The following GRIK4 variants were observed in gnomAD, a reference collection of about 807,000 sequenced individuals.
GRIK4 encodes the protein glutamate ionotropic receptor kainate type subunit 4.
A neutral mutation model predicts 104.9 loss-of-function variants in GRIK4; 40 were observed. The ratio of observed to expected loss-of-function variants is 0.38; its 90% CI spans 0.30 to 0.50. The LOEUF (loss-of-function observed/expected upper bound fraction) is 0.50, where lower values mean the gene tolerates loss of function less well. GRIK4 is among the 20% of genes least tolerant of loss of function. The probability of loss-of-function intolerance (pLI) is 0.93; values close to 1 mark genes in which losing one functional copy is unlikely to be tolerated. For synonymous variants in GRIK4, 485 were observed against 524.9 expected, an observed-to-expected ratio of 0.92 and a Z score of 1.04; for missense variants, 1,047 against 1,308.1, an observed-to-expected ratio of 0.80 and a Z score of 3.08.
intron 7 of GRIK4, 144 bp downstream of exon 7, chr11:120,832,174 A>G (rs1192196139): frequency 2.5e-5 from 14 of 563,358 alleles, no homozygotes; most frequent in Non-Finnish European, 1.8e-5. Flanking sequence ...TCTGTTTTCA[A>G]TGAGCGGTTC....
chr11:120,566,461 C>G (rs1273068379), intron 1 of GRIK4, among the ~76,000 whole-genome samples: 3 of 152,148 alleles, frequency 2.0e-5, no homozygotes, highest in Admixed American at 6.5e-5. Flanking sequence ...AATCTACGGA[C>G]GAAGTTGGGC....
At chr11:120,761,083 A>G (rs138990232) in intron 3 of GRIK4, among the ~76,000 whole-genome samples, 5,462 of 152,194 alleles carry the variant, frequency 0.036, 146 homozygotes, top group Middle Eastern at 0.061. Flanking sequence ...AAACGTTCCT[A>G]TTTCTCCACA....
intron 3 of GRIK4, among the ~76,000 whole-genome samples, chr11:120,762,992 T>C (rs1485635525): frequency 2.0e-5 from 3 of 152,168 alleles, no homozygotes; most frequent in African/African-American, 4.8e-5. Context: ...CCTTTTTCTA[T>C]TGTTTGGAAT....
chr11:120,973,399 G>A (rs143898357), intron 19 of GRIK4, among the ~76,000 whole-genome samples: 1 of 152,230 alleles, frequency 6.6e-6, no homozygotes, highest in East Asian at 1.9e-4. Context: ...ATGAAGGAGA[G>A]AACTGAACAG....
At position 120,559,274 on chromosome 11, in the gene GRIK4, G is replaced by A. The variant is rs112856066; in HGVS notation, c.-159+47387G>A. Among the ~76,000 whole-genome samples the A allele has an allele frequency of 2.4e-3, 366 of 152,260 alleles. 2 individuals carry two copies. Among genetic ancestry groups the A allele is most frequent in the African/African-American group, 7.6e-3 (314 of 41,544 alleles). ...GAGGGGTCCCAGACTCCCTCGCTTC[G>A]GCTAATCTCTTGGCTGTGGATAAAT... On this transcript the variant is annotated intron_variant, in intron 1 of 20. Transcript: ENST00000527524.
chr11:120,730,979 T>C (rs1011000889), intron 3 of GRIK4, among the ~76,000 whole-genome samples: 1 of 152,192 alleles, frequency 6.6e-6, no homozygotes. Context: ...CTTCAGGTTT[T>C]TCCAAATGCA....
intron 3 of GRIK4, among the ~76,000 whole-genome samples, chr11:120,712,973 G>A (rs1353935589): frequency 6.6e-6 from 1 of 152,152 alleles, no homozygotes; most frequent in Non-Finnish European, 1.5e-5. Context: ...GACAATAACT[G>A]GTCACAGTTT....
chr11:120,961,429 A>T (rs1944285509), intron 17 of GRIK4, among the ~76,000 whole-genome samples: 1 of 152,216 alleles, frequency 6.6e-6, no homozygotes, highest in African/African-American at 2.4e-5. Flanking sequence ...TATTTATATT[A>T]CTGCATAGAA....
intron 1 of GRIK4, among the ~76,000 whole-genome samples, chr11:120,518,810 C>T (rs375855889): frequency 7.9e-5 from 12 of 152,086 alleles, no homozygotes; most frequent in African/African-American, 2.9e-4. Context: ...TAGTAGATAC[C>T]AGGTTTCACC....
At chr11:120,525,194 G>A (rs1010717357) in intron 1 of GRIK4, among the ~76,000 whole-genome samples, 5 of 152,198 alleles carry the variant, frequency 3.3e-5, no homozygotes, top group African/African-American at 1.2e-4. Flanking sequence ...TGGCCACAGG[G>A]TACCATGGCT....
In GRIK4 at chr11:120,953,084, C is replaced by A; in HGVS notation, c.1700+120C>A. ...GGAGGAGTTGGGAAGATCTTGGTGC[C>A]AAACTAGAAGGACAGGAGAAGGACT... is the stretch of plus-strand genomic sequence containing the variant. On this transcript the variant is annotated intron_variant, in intron 15 of 20. Transcript: ENST00000527524. The surrounding 1 kb of genome is among the most constrained non-coding windows in gnomAD (Gnocchi z 4.9). 1.5e-6 allele frequency: 1 copy of A among 673,408 alleles called. No individual in the cohort carries two copies. The highest frequency in any genetic ancestry group is 2.6e-6 in the Non-Finnish European group (1 of 383,446). The allele number at this position is 673,408 out of a possible 1,614,324, so 41.7% of individuals were successfully genotyped here.
intron 3 of GRIK4, among the ~76,000 whole-genome samples, chr11:120,768,549 G>T (rs1023139144): frequency 1.3e-5 from 2 of 151,954 alleles, no homozygotes; most frequent in African/African-American, 4.8e-5. Flanking sequence ...TTATCTGATT[G>T]CTCTGGCTAG....
chr11:120,620,780 A>G (rs915841717), intron 1 of GRIK4, among the ~76,000 whole-genome samples: 5 of 152,144 alleles, frequency 3.3e-5, no homozygotes, highest in African/African-American at 1.2e-4. Flanking sequence ...CACTGTCACT[A>G]TTATTTCCCC....
chr11:120,766,462 G>A (rs1369697215), intron 3 of GRIK4, among the ~76,000 whole-genome samples: 1 of 152,166 alleles, frequency 6.6e-6, no homozygotes. Context: ...GGGAGTGTAC[G>A]GTTCTGTGTT....
chr11:120,891,255 G>A (rs1244063782), intron 11 of GRIK4, among the ~76,000 whole-genome samples: 1 of 152,186 alleles, frequency 6.6e-6, no homozygotes, highest in African/African-American at 2.4e-5. Context: ...AGCCTGGAAG[G>A]AATCTGAGCC....
At chr11:120,907,866 C>T (rs1434021025) in intron 13 of GRIK4, among the ~76,000 whole-genome samples, 4 of 152,058 alleles carry the variant, frequency 2.6e-5, no homozygotes, top group East Asian at 1.9e-4. Context: ...GGCTGAAGGC[C>T]GTTGGTGTGC....
At chr11:120,539,286 A>T (rs948086774) in intron 1 of GRIK4, among the ~76,000 whole-genome samples, 1 of 152,222 alleles carries the variant, frequency 6.6e-6, no homozygotes, top group African/African-American at 2.4e-5. Flanking sequence ...TCTGAAGAAC[A>T]GGCCTGGCGA....
At chr11:120,979,004 A>G (rs1944607047) in intron 19 of GRIK4, among the ~76,000 whole-genome samples, 1 of 152,232 alleles carries the variant, frequency 6.6e-6, no homozygotes, top group East Asian at 1.9e-4. Flanking sequence ...GCAAGACAAA[A>G]TTGCATGGGG....
chr11:120,684,817 T>C (rs1045757709), intron 3 of GRIK4, among the ~76,000 whole-genome samples: 5 of 152,190 alleles, frequency 3.3e-5, no homozygotes, highest in African/African-American at 9.6e-5. Flanking sequence ...TTCACGCCAT[T>C]ATCCTGCCTC....
Sources: gnomAD v4.1 joint callset for allele counts (sites outside exome capture counted in the v4.1 genomes callset) on GRCh38, gnomAD v4.1.1 for gene constraint, Gnocchi (gnomAD v3.1) non-coding constraint, MANE v1.5 for transcripts, NCBI Gene and HGNC (gene_info 2026-07-23, HGNC 2026-07-21) for gene names.